The following KIF27 variants were observed in gnomAD, a reference collection of about 807,000 sequenced individuals.
KIF27 encodes the protein kinesin-like protein KIF27.
In KIF27, 84 loss-of-function variants were observed where a neutral mutation model predicts 141.8. The observed-to-expected ratio is 0.59, with a 90% CI of 0.50 to 0.71. KIF27 has a LOEUF of 0.71. Ranked by LOEUF, KIF27 falls within the 30% of genes least tolerant of loss-of-function variation. The pLI, the probability that KIF27 is intolerant of heterozygous loss-of-function variation, is 0.00. For missense variants in KIF27, 1,306 were observed against 1,628.4 expected, an observed-to-expected ratio of 0.80 and a Z score of 3.41; for synonymous variants, 471 against 569.5, an observed-to-expected ratio of 0.83 and a Z score of 2.46.
intron 5 of KIF27, among the ~76,000 whole-genome samples, chr9:83,896,324 T>C (rs925345144): frequency 6.3e-4 from 96 of 152,324 alleles, no homozygotes; most frequent in African/African-American, 2.1e-3. Context: ...GGCTCCCCAC[T>C]TGATGGTAAC....
At chr9:83,873,512 A>G (rs1950962586) in intron 11 of KIF27, among the ~76,000 whole-genome samples, 1 of 152,214 alleles carries the variant, frequency 6.6e-6, no homozygotes, top group South Asian at 2.1e-4. Flanking sequence ...ATATAAGAGA[A>G]GTGCACTCAC....
intron 5 of KIF27, among the ~76,000 whole-genome samples, chr9:83,894,271 CAAG>C (rs1181432209): frequency 2.4e-4 from 36 of 152,154 alleles, no homozygotes; most frequent in African/African-American, 7.5e-4. Context: ...CAATATCTGA[CAAG>C]AATACTATGA....
intron 6 of KIF27, 67 bp downstream of exon 6, chr9:83,891,228 C>T: frequency 7.8e-7 from 1 of 1,288,404 alleles, no homozygotes; most frequent in Non-Finnish European, 1.1e-6. Flanking sequence ...TATAAATACA[C>T]TGTGATATTA....
chr9:83,918,819 T>G (rs908643973), intron 1 of KIF27, among the ~76,000 whole-genome samples: 4 of 152,294 alleles, frequency 2.6e-5, no homozygotes, highest in Admixed American at 2.6e-4. Context: ...CTCAAACCTG[T>G]AATCCCAGCA....
rs772676294 is a variant in KIF27, at chr9:83,867,716, G to A, written c.2902C>T (p.His968Tyr). ...KKEALLQEKSHLENKKLRSSQ... is the reference protein window; with the variant it reads ...KKEALLQEKSYLENKKLRSSQ... ...GATCTCAATTTCTTATTTTCCAGGT[G>A]ACTCTTCTCCTGTAACAGAGCCTCC... The change falls in exon 13 of 18, where the codon CAC becomes TAC. Residue 968 changes from histidine to tyrosine, a missense_variant. By Grantham distance (83) the His-to-Tyr change is moderately conservative. Around this residue, in one of 4 missense-constraint regions of KIF27, gnomAD observed 596 missense variants for 751.6 expected, o/e 0.79. Transcript: ENST00000297814. 56 of 1,602,788 alleles carry A rather than the reference G, an allele frequency of 3.5e-5. No homozygotes were observed. The highest frequency in any genetic ancestry group is 4.7e-5 in the Non-Finnish European group (55 of 1,177,276).
At chr9:83,867,103 C>A (rs560433030) in intron 13 of KIF27, among the ~76,000 whole-genome samples, 103 of 152,164 alleles carry the variant, frequency 6.8e-4, no homozygotes, top group African/African-American at 2.4e-3. Flanking sequence ...TGGTATTATA[C>A]AAAGGTGGTC....
At chr9:83,871,090 A>AT (rs1458332047) in intron 11 of KIF27, among the ~76,000 whole-genome samples, 2 of 150,994 alleles carry the variant, frequency 1.3e-5, no homozygotes, top group Non-Finnish European at 3.0e-5. Flanking sequence ...TTTTTTTTTA[A>AT]TTTTTTGTAG....
At chr9:83,916,795 C>T (rs1016594462) in intron 1 of KIF27, among the ~76,000 whole-genome samples, 42 of 150,512 alleles carry the variant, frequency 2.8e-4, no homozygotes, top group Admixed American at 2.5e-3. Context: ...TCCAGAGTAG[C>T]TGGGACTACA....
chr9:83,903,258 G>C lies in KIF27; in HGVS notation c.1260C>G (p.Thr420=), dbSNP rs748286865. The C allele has an allele frequency of 4.3e-6, 7 of 1,614,158 alleles. No individual in the cohort carries two copies. The South Asian group carries it at 7.7e-5, about 18-fold the overall frequency. Residue 420 remains threonine (T), a synonymous_variant, in exon 4 of 18, where the codon ACC becomes ACG. Transcript: ENST00000297814. The part of the protein sequence containing the change: ...GYQCCVEEAF[T]FLVDLKDTVR... Reference sequence around the variant, plus strand: ...CAGTATCTTTTAGGTCAACCAGGAAGGTAAAGGCTTCTTCTACACAACACT... The same window carrying C: ...CAGTATCTTTTAGGTCAACCAGGAACGTAAAGGCTTCTTCTACACAACACT...
intron 15 of KIF27, among the ~76,000 whole-genome samples, chr9:83,852,671 C>T (rs1203196759): frequency 2.0e-5 from 3 of 151,862 alleles, no homozygotes; most frequent in Non-Finnish European, 2.9e-5. Flanking sequence ...GTTCTGTTGC[C>T]CCAGACTGAA....
At chr9:83,898,231 T>C (rs1953470913) in intron 5 of KIF27, among the ~76,000 whole-genome samples, 2 of 152,020 alleles carry the variant, frequency 1.3e-5, no homozygotes, top group South Asian at 2.1e-4. Context: ...TAAAATCCTA[T>C]GTAGCTATAA....
chr9:83,908,662 T>C lies in KIF27; in HGVS notation c.299-10A>G. On this transcript the variant is annotated splice_polypyrimidine_tract_variant and intron_variant, in intron 2 of 17. Coordinates refer to ENST00000297814, the MANE Select transcript of KIF27 (RefSeq NM_017576.4). Reference sequence around the variant, plus strand: ...CCCTCCACAACTGAAGCTGAAAATTTAGAAAAAGAAAGCACATCTGGAACT... The same window carrying C: ...CCCTCCACAACTGAAGCTGAAAATTCAGAAAAAGAAAGCACATCTGGAACT... 1 of 1,561,298 alleles carries C rather than the reference T, an allele frequency of 6.4e-7. No homozygotes were observed. Among genetic ancestry groups the C allele is most frequent in the South Asian group, 1.2e-5 (1 of 80,380 alleles).
At chr9:83,842,894 A>G (rs572558034) in intron 16 of KIF27, among the ~76,000 whole-genome samples, 10 of 152,182 alleles carry the variant, frequency 6.6e-5, no homozygotes, top group Non-Finnish European at 1.3e-4. Flanking sequence ...AAATTTCCCA[A>G]AGTAGGATTG....
At chr9:83,916,757 G>A (rs1232484308) in intron 1 of KIF27, among the ~76,000 whole-genome samples, 2 of 149,992 alleles carry the variant, frequency 1.3e-5, no homozygotes, top group East Asian at 4.0e-4. Flanking sequence ...TCCACCTCCC[G>A]GGTTCACACC....
Position 83,891,477 on chromosome 9 carries a change from G to A in KIF27, c.1627C>T (p.Leu543Phe), listed in dbSNP as rs1952674298. 6.2e-7 allele frequency: 1 copy of A among 1,612,872 alleles called. No individual in the cohort carries two copies. The highest frequency in any genetic ancestry group is 1.1e-5 in the South Asian group (1 of 90,968). Residue 543 changes from leucine to phenylalanine, a missense_variant, in exon 6 of 18, where the codon CTT (leucine) becomes TTT (phenylalanine). This residue lies in a region of KIF27 where 596 missense variants were observed against 751.6 expected (regional missense o/e 0.79). Transcript: ENST00000297814. ...LQNEKIIEQQ[L>F]LVDQLSEELT... ...TCTTCACTCAGTTGATCCACAAGAA[G>A]TTGTTGTTCTATTATTTTTTCATTC...
chr9:83,871,005 G>T (rs1318942912), intron 11 of KIF27, among the ~76,000 whole-genome samples: 2 of 151,914 alleles, frequency 1.3e-5, no homozygotes, highest in Non-Finnish European at 2.9e-5. Flanking sequence ...CAAGCTCCTG[G>T]GCTCAAGTAA....
At chr9:83,848,294 A>T (rs1214134024) in intron 16 of KIF27, among the ~76,000 whole-genome samples, 1 of 113,766 alleles carries the variant, frequency 8.8e-6, no homozygotes, top group African/African-American at 3.5e-5. Context: ...ATGATATATC[A>T]GATATGATAT....
chr9:83,912,032 A>C (rs1055582521), intron 2 of KIF27, among the ~76,000 whole-genome samples: 6 of 152,214 alleles, frequency 3.9e-5, no homozygotes, highest in Non-Finnish European at 1.5e-5. Flanking sequence ...GAAAGTAGTT[A>C]AAATGGTAAG....
chr9:83,886,003 A>G (rs1003813813), intron 9 of KIF27, among the ~76,000 whole-genome samples: 23 of 151,740 alleles, frequency 1.5e-4, no homozygotes, highest in Admixed American at 1.4e-3. Flanking sequence ...TACTTTCCCA[A>G]AGCTTTTTCC....
Sources: allele counts gnomAD v4.1 joint callset (sites outside exome capture counted in the v4.1 genomes callset), GRCh38; gene constraint gnomAD v4.1.1; regional missense constraint gnomAD v4.1.1; transcripts MANE v1.5; gene names NCBI Gene and HGNC (gene_info 2026-07-23, HGNC 2026-07-21).